Variants in COPS3 observed in about 807,000 individuals in gnomAD.
The protein encoded by COPS3 is COP9 signalosome complex subunit 3.
A neutral mutation model predicts 58.2 loss-of-function variants in COPS3; 10 were observed. The observed-to-expected ratio is 0.17, with a 90% CI of 0.11 to 0.29. The LOEUF (loss-of-function observed/expected upper bound fraction) is 0.29, where lower values mean the gene tolerates loss of function less well. Ranked by LOEUF, COPS3 falls within the 10% of genes least tolerant of loss-of-function variation. The pLI is 1.00. For synonymous variants in COPS3, 187 were observed against 181.7 expected (o/e 1.03, Z -0.24); for missense variants, 333 against 510.1 (o/e 0.65, Z 3.34).
intron 2 of COPS3, 63 bp downstream of exon 2, chr17:17,275,972 G>T: frequency 7.1e-7 from 1 of 1,407,116 alleles, no homozygotes; most frequent in Non-Finnish European, 9.6e-7. Flanking sequence ...TAAAAATAAA[G>T]CCAGGAAGTG....
In COPS3 at chr17:17,267,799, CT is replaced by C. The variant is rs1321044895; in HGVS notation, c.441+85del. The C allele has an allele frequency of 2.9e-6, 4 of 1,362,636 alleles. No homozygotes were observed. In the Admixed American group the frequency reaches 7.7e-5, roughly 26 times the overall value. The allele number at this position is 1,362,636 out of a possible 1,614,324, so 84.4% of individuals were successfully genotyped here. On this transcript the variant is annotated intron_variant, in intron 5 of 11. Transcript: ENST00000268717. The stretch of plus-strand genomic sequence containing the variant: ...ACACATCACAATATCGCCAACTTGC[CT>C]GTGTTTATCAAACCCAATGTTGAGC...
rs1282930429 is a variant in COPS3, at chr17:17,260,365, T to C, written c.872A>G (p.Asn291Ser). ...KHSETFTRDN[N>S]MGLVKQCLSS... ...CAAGCATTGCTTCACCAGCCCCATG[T>C]TGTTATCGCGAGTGAAGGTTTCACT... is the stretch of plus-strand genomic sequence containing the variant. Residue 291 changes from asparagine (N) to serine (S), a missense_variant, in exon 8 of 12, where the codon AAC becomes AGC. Transcript: ENST00000268717. 3 of 1,614,198 alleles carry C rather than the reference T, an allele frequency of 1.9e-6. No individual in the cohort carries two copies. Among genetic ancestry groups the C allele is most frequent in the Admixed American group, 3.3e-5 (2 of 60,008 alleles).
intron 7 of COPS3, chr17:17,261,642 T>C (rs1156544602): frequency 2.3e-6 from 1 of 435,342 alleles, no homozygotes; most frequent in Non-Finnish European, 4.5e-6. Flanking sequence ...GAAGGACTGC[T>C]TGAGGCCAGG....
chr17:17,249,650 G>A (rs2047797627), intron 9 of COPS3, among the ~76,000 whole-genome samples: 1 of 152,102 alleles, frequency 6.6e-6, no homozygotes, highest in Non-Finnish European at 1.5e-5. Flanking sequence ...GCACCACCAC[G>A]CCTGGCTAAT....
Position 17,247,569 on chromosome 17 carries a change from C to T in COPS3, c.1138-9G>A. 2 of 1,614,096 alleles carry T rather than the reference C, an allele frequency of 1.2e-6. No homozygotes were observed. The highest frequency in any genetic ancestry group is 1.7e-6 in the Non-Finnish European group (2 of 1,179,990). ...TCAATGCACTTCAGCATCTGCATGACAGGCACATTAGAAGGTGGTCAGCGG... is the reference window on the plus strand; with the variant it reads ...TCAATGCACTTCAGCATCTGCATGATAGGCACATTAGAAGGTGGTCAGCGG... On this transcript the variant is annotated splice_polypyrimidine_tract_variant and intron_variant, in intron 10 of 11. Transcript: ENST00000268717.
In COPS3 at chr17:17,265,074, A is replaced by G. The variant is rs570263857; in HGVS notation, c.442-93T>C. ...ATTCATTGATTCCAGAAATTTCCAAATAATGTAATTGTGTTTTACATTTTA... is the reference window on the plus strand; with the variant it reads ...ATTCATTGATTCCAGAAATTTCCAAGTAATGTAATTGTGTTTTACATTTTA... On this transcript the variant is annotated intron_variant, in intron 5 of 11. Transcript: ENST00000268717. The G allele has an allele frequency of 1.1e-4, 121 of 1,119,814 alleles. 2 individuals carry two copies. The South Asian group carries it at 1.4e-3, about 13-fold the overall frequency. The allele number at this position is 1,119,814 out of a possible 1,614,324, so 69.4% of individuals were successfully genotyped here.
rs144714035 is a variant in COPS3, at chr17:17,247,095, G to A, written c.*3C>T. On this transcript the variant is annotated 3_prime_UTR_variant, in exon 12 of 12. Coordinates refer to ENST00000268717, the MANE Select transcript of COPS3 (RefSeq NM_003653.4). ...CTTGTTTAGCTCAGGATGGATGTTA[G>A]TTTCAAGAATAACTGGATGGTTTGT... 649 of 1,613,272 alleles carry A rather than the reference G, an allele frequency of 4.0e-4. 2 individuals carry two copies. The African/African-American group carries it at 7.0e-3, about 17-fold the overall frequency.
chr17:17,259,733 A>C (rs182239328), intron 8 of COPS3, among the ~76,000 whole-genome samples: 9 of 152,172 alleles, frequency 5.9e-5, no homozygotes, highest in Non-Finnish European at 1.2e-4. Flanking sequence ...GTCTATACAA[A>C]AAATACAAAA....
chr17:17,260,860 T>C (rs982023912), intron 7 of COPS3, among the ~76,000 whole-genome samples: 14 of 150,884 alleles, frequency 9.3e-5, no homozygotes, highest in African/African-American at 3.2e-4. Context: ...CAAATGTGTA[T>C]AGGAAGCAAA....
intron 7 of COPS3, among the ~76,000 whole-genome samples, chr17:17,261,342 C>T (rs764515347): frequency 4.1e-4 from 63 of 151,984 alleles, no homozygotes; most frequent in Non-Finnish European, 7.9e-4. Flanking sequence ...CTGGCTAACA[C>T]GGTGAAACCA....
At position 17,271,925 on chromosome 17, in the gene COPS3, A is replaced by G. The variant is rs555511164; in HGVS notation, c.186-917T>C. 2.4e-4 allele frequency among the ~76,000 whole-genome samples: 32 copies of G among 135,288 alleles called. No individual in the cohort carries two copies. The East Asian group carries it at 7.4e-3, about 31-fold the overall frequency. 88.8% of individuals were successfully genotyped at this position (135,288 alleles called of 152,430 possible). On this transcript the variant is annotated intron_variant, in intron 2 of 11. Transcript: ENST00000268717. ...ATAAACATGTATATATTAAACATAT[A>G]TGTTTTATATATATATATATGTTTA...
chr17:17,281,164 A>C lies in COPS3; in HGVS notation c.23T>G (p.Phe8Cys). The change falls in exon 1 of 12, where the codon TTC becomes TGC. Residue 8 changes from phenylalanine to cysteine, a missense_variant. Phe to Cys is a radical substitution (Grantham distance 205). Transcript: ENST00000268717. MASALEQFVNSVRQLSAQ... is the reference protein window; with the variant it reads MASALEQCVNSVRQLSAQ... ...TGAGAGCTGTCGGACACTGTTCACG[A>C]ACTGCTCCAGGGCAGACGCCATGTT... The C allele has an allele frequency of 6.2e-7, 1 of 1,611,692 alleles. No homozygotes were observed. Among genetic ancestry groups the C allele is most frequent in the Non-Finnish European group, 8.5e-7 (1 of 1,179,158 alleles).
intron 8 of COPS3, among the ~76,000 whole-genome samples, chr17:17,255,754 C>T (rs936134603): frequency 3.3e-5 from 5 of 150,756 alleles, no homozygotes; most frequent in Admixed American, 6.6e-5. Context: ...GCAGGATAAT[C>T]GCTTAAACTT....
chr17:17,253,967 G>C (rs1241519613), intron 9 of COPS3, among the ~76,000 whole-genome samples: 1 of 151,946 alleles, frequency 6.6e-6, no homozygotes, highest in Non-Finnish European at 1.5e-5. Flanking sequence ...CTCCAGCCTG[G>C]GCAACAAAGC....
intron 4 of COPS3, among the ~76,000 whole-genome samples, chr17:17,268,326 A>C (rs757369566): frequency 1.3e-5 from 2 of 152,238 alleles, no homozygotes; most frequent in Non-Finnish European, 2.9e-5. Context: ...TACAAGAGAC[A>C]ACAGCCTATG....
intron 2 of COPS3, among the ~76,000 whole-genome samples, chr17:17,275,422 C>CT (rs1366507464): frequency 1.3e-5 from 2 of 152,116 alleles, no homozygotes; most frequent in Admixed American, 1.3e-4. Context: ...GACAGTCTCG[C>CT]TCTGTCACCC....
intron 8 of COPS3, 95 bp downstream of exon 8, chr17:17,260,206 C>T: frequency 2.4e-6 from 3 of 1,233,014 alleles, no homozygotes; most frequent in Non-Finnish European, 3.5e-6. Flanking sequence ...TGCTTTATCC[C>T]TGTACCTGCT....
intron 2 of COPS3, among the ~76,000 whole-genome samples, chr17:17,275,759 T>C (rs543496649): frequency 2.6e-5 from 4 of 152,204 alleles, no homozygotes. Context: ...CTGGCTAACA[T>C]GGTGAAACCC....
intron 1 of COPS3, 146 bp downstream of exon 1, chr17:17,280,986 T>C: frequency 2.0e-6 from 2 of 1,008,298 alleles, no homozygotes; most frequent in Non-Finnish European, 2.9e-6. Context: ...GATCCTGCCC[T>C]GATCTAAACG....
Sources: allele counts gnomAD v4.1 joint callset (sites outside exome capture counted in the v4.1 genomes callset), GRCh38; gene constraint gnomAD v4.1.1; transcripts MANE v1.5; gene names NCBI Gene and HGNC (gene_info 2026-07-23, HGNC 2026-07-21).